ANO6: variants seen among roughly 807,000 people sequenced by gnomAD.
ANO6 encodes anoctamin-6.
In ANO6, 106 loss-of-function variants were observed where a neutral mutation model predicts 117.5. The ratio of observed to expected loss-of-function variants is 0.90; its 90% CI spans 0.77 to 1.06. The LOEUF (loss-of-function observed/expected upper bound fraction) is 1.06, where lower values mean the gene tolerates loss of function less well. ANO6 is among the 50% of genes least tolerant of loss of function. The probability of loss-of-function intolerance (pLI) is 0.00; values close to 1 mark genes in which losing one functional copy is unlikely to be tolerated. For synonymous variants in ANO6, 367 were observed against 385.1 expected, an observed-to-expected ratio of 0.95 and a Z score of 0.55; for missense variants, 955 against 1,121.1, an observed-to-expected ratio of 0.85 and a Z score of 2.12.
At chr12:45,366,973 TTTTTGTTTTG>T (rs575626566) in intron 8 of ANO6, among the ~76,000 whole-genome samples, 1 of 152,090 alleles carries the variant, frequency 6.6e-6, no homozygotes, top group Admixed American at 6.5e-5. Context: ...ACTGAACTTA[TTTTTGTTTTG>T]TTTTGTTTTG....
At chr12:45,410,451 C>T (rs554901094) in intron 16 of ANO6, among the ~76,000 whole-genome samples, 1 of 152,170 alleles carries the variant, frequency 6.6e-6, no homozygotes, top group Non-Finnish European at 1.5e-5. Flanking sequence ...ACTCTTAATT[C>T]TTTTCAGTAG....
intron 2 of ANO6, chr12:45,313,589 A>G (rs1020715065): frequency 6.6e-6 from 1 of 152,006 alleles, no homozygotes; most frequent in Non-Finnish European, 1.5e-5. Flanking sequence ...TTCCCTTTCA[A>G]ATGAAATCAG....
In ANO6 at chr12:45,431,848, G is replaced by A. The variant is rs965064853; in HGVS notation, c.*2537G>A. 1.0e-6 allele frequency: 1 copy of A among 985,412 alleles called. No homozygotes were observed. The highest frequency in any genetic ancestry group is 1.2e-6 in the Non-Finnish European group (1 of 829,928). 61.0% of individuals were successfully genotyped at this position (985,412 alleles called of 1,614,324 possible). On this transcript the variant is annotated 3_prime_UTR_variant, in exon 20 of 20. Coordinates refer to ENST00000320560, the MANE Select transcript of ANO6 (RefSeq NM_001025356.3). ...CAGTGTTAACCACTAGAGAAACTGA[G>A]CTTTATATCCTTTTTTAATGCCTGT...
chr12:45,401,951 A>G lies in ANO6; in HGVS notation c.1543A>G (p.Ile515Val), dbSNP rs1231979652. The change falls in exon 13 of 20, where the codon ATC becomes GTC. Residue 515 changes from isoleucine (I) to valine (V), a missense_variant. By Grantham distance (29) the Ile-to-Val change is conservative. Coordinates refer to ENST00000320560, the MANE Select transcript of ANO6 (RefSeq NM_001025356.3). The part of the protein sequence containing the change: ...QTATSITASI[I>V]SFIIIMILNT... ...AGCCACGTCCATCACGGCCTCCATC[A>G]TCAGCTTTATAATTATCATGATTCT... The G allele has an allele frequency of 6.2e-6, 10 of 1,613,972 alleles. No individual in the cohort carries two copies. The South Asian group carries it at 9.9e-5, about 16-fold the overall frequency.
intron 1 of ANO6, among the ~76,000 whole-genome samples, chr12:45,236,939 TA>T (rs1256681364): frequency 6.6e-6 from 1 of 152,226 alleles, no homozygotes; most frequent in African/African-American, 2.4e-5. Context: ...TGTGGGTTGG[TA>T]TCTCATTGTG....
chr12:45,355,921 G>A lies in ANO6; in HGVS notation c.864-1369G>A, dbSNP rs149178472. On this transcript the variant is annotated intron_variant, in intron 7 of 19. Coordinates refer to ENST00000320560, the MANE Select transcript of ANO6 (RefSeq NM_001025356.3). ...TTCAGCCCAGCTCCATACTGAGCCT[G>A]AAGTCTCACGTAGGCCTCAGAGTTA... Among the ~76,000 whole-genome samples, 38 of 152,328 alleles carry A rather than the reference G, an allele frequency of 2.5e-4. 1 individual carries two copies. The East Asian group carries it at 7.1e-3, about 29-fold the overall frequency.
chr12:45,424,327 GTTTTTTTTTTTTTT>G lies in ANO6; in HGVS notation c.2526+1280_2526+1293del, dbSNP rs66945216. ...AGAGAGAGGGAAAACTAGGTGATGG[GTTTTTTTTTTTTTT>G]TTTTTTTTTTTTTTAAAGACAGAGT... On this transcript the variant is annotated intron_variant, in intron 19 of 19. Transcript: ENST00000320560. 1.1e-3 allele frequency among the ~76,000 whole-genome samples: 91 copies of G among 81,274 alleles called. 4 individuals carry two copies. The highest frequency in any genetic ancestry group is 6.9e-3 in the Admixed American group (37 of 5,348). The allele number at this position is 81,274 out of a possible 152,430, so 53.3% of individuals were successfully genotyped here. A position where few individuals can be genotyped will look rare whatever the true frequency, so the allele number is the denominator to read the frequency against.
Position 45,370,938 on chromosome 12 carries a change from A to C in ANO6, c.1104+3145A>C, listed in dbSNP as rs556928087. On this transcript the variant is annotated intron_variant, in intron 9 of 19. Transcript: ENST00000320560. ...GGAGACGGGTGATTTCTGCATTTCCATCTGAGGTACCGGGCTCATCTCACT... is the reference window on the plus strand; with the variant it reads ...GGAGACGGGTGATTTCTGCATTTCCCTCTGAGGTACCGGGCTCATCTCACT... Among the ~76,000 whole-genome samples, 35 of 152,258 alleles carry C rather than the reference A, an allele frequency of 2.3e-4. No individual in the cohort carries two copies. In the South Asian group the frequency reaches 7.3e-3, roughly 32 times the overall value.
downstream of ANO6, among the ~76,000 whole-genome samples, chr12:45,434,675 C>T (rs1334394821): frequency 6.6e-6 from 1 of 152,116 alleles, no homozygotes; most frequent in Non-Finnish European, 1.5e-5. Flanking sequence ...CAGAAGGCTC[C>T]CTGTCCCTCA....
chr12:45,252,244 C>T lies in ANO6; in HGVS notation c.70+35853C>T, dbSNP rs537521583. Among the ~76,000 whole-genome samples, 125 of 152,332 alleles carry T rather than the reference C, an allele frequency of 8.2e-4. 1 individual carries two copies. The highest frequency in any genetic ancestry group is 2.9e-3 in the African/African-American group (122 of 41,574). ...AAAAAATTTAGCAGTTGGAAAATAG[C>T]AATTTATGATTAAACAACCAAACTG... On this transcript the variant is annotated intron_variant, in intron 1 of 19. Coordinates refer to ENST00000320560, the MANE Select transcript of ANO6 (RefSeq NM_001025356.3).
At position 45,224,174 on chromosome 12, in the gene ANO6, C is replaced by T. The variant is rs146144418; in HGVS notation, c.70+7783C>T. ...CAGTGGTGATACCAAGGAGAAAGCA[C>T]GTGACCTTGCCTAGGGGAATCCAGG... On this transcript the variant is annotated intron_variant, in intron 1 of 19. Transcript: ENST00000320560. Among the ~76,000 whole-genome samples, 17 of 152,212 alleles carry T rather than the reference C, an allele frequency of 1.1e-4. No homozygotes were observed. The East Asian group carries it at 2.3e-3, about 21-fold the overall frequency.
chr12:45,372,664 G>C (rs1941879507), intron 9 of ANO6, among the ~76,000 whole-genome samples: 2 of 151,752 alleles, frequency 1.3e-5, no homozygotes, highest in South Asian at 4.2e-4. Flanking sequence ...CAAATGCTGA[G>C]AGATTTTGTC....
chr12:45,328,664 G>A (rs757445691), intron 2 of ANO6, among the ~76,000 whole-genome samples: 5 of 151,980 alleles, frequency 3.3e-5, no homozygotes, highest in Non-Finnish European at 7.4e-5. Flanking sequence ...CTAATCTTTT[G>A]TTTCCCTAGA....
At chr12:45,438,406 C>G (rs1381565140) in intron 19 of ANO6, among the ~76,000 whole-genome samples, 3 of 152,064 alleles carry the variant, frequency 2.0e-5, no homozygotes, top group African/African-American at 7.2e-5. Flanking sequence ...ATCCAAAAAT[C>G]TGAAATCCAA....
chr12:45,340,326 C>T lies in ANO6; in HGVS notation c.280-6696C>T, dbSNP rs1171730507. ...ACCTTGAACCTCCAGTACCATTCTC[C>T]ACCATCAGTAATAGAATCACATGCA... On this transcript the variant is annotated intron_variant, in intron 3 of 19. Coordinates refer to ENST00000320560, the MANE Select transcript of ANO6 (RefSeq NM_001025356.3). 2.6e-5 allele frequency among the ~76,000 whole-genome samples: 4 copies of T among 152,198 alleles called. No individual in the cohort carries two copies. The East Asian group carries it at 7.7e-4, about 29-fold the overall frequency.
At chr12:45,348,779 A>G in intron 6 of ANO6, 148 bp downstream of exon 6, 1 of 708,254 alleles carries the variant, frequency 1.4e-6, no homozygotes, top group Non-Finnish European at 2.5e-6. Context: ...TTAGGGTAAG[A>G]ACTAGGTCTT....
rs184681379 is a variant in ANO6, at chr12:45,402,242, C to T, written c.1612+222C>T. Among the ~76,000 whole-genome samples, 6 of 152,338 alleles carry T rather than the reference C, an allele frequency of 3.9e-5. No individual in the cohort carries two copies. The East Asian group carries it at 9.6e-4, about 24-fold the overall frequency. Reference sequence around the variant, plus strand: ...ACAATCATCATAACGTCCAAGCTCTCTGTAAACAGATCAGTGCTGAATAAT... The same window carrying T: ...ACAATCATCATAACGTCCAAGCTCTTTGTAAACAGATCAGTGCTGAATAAT... On this transcript the variant is annotated intron_variant, in intron 13 of 19. Transcript: ENST00000320560.
chr12:45,240,545 T>C (rs1403490733), intron 1 of ANO6, among the ~76,000 whole-genome samples: 1 of 151,936 alleles, frequency 6.6e-6, no homozygotes, highest in Non-Finnish European at 1.5e-5. Context: ...ATTTAACCTA[T>C]TTACATTTAA....
At chr12:45,320,316 G>A (rs942395251) in intron 2 of ANO6, among the ~76,000 whole-genome samples, 7 of 151,824 alleles carry the variant, frequency 4.6e-5, no homozygotes, top group African/African-American at 7.3e-5. Flanking sequence ...CTGGTATGTT[G>A]TGTCTTTTTT....
Sources: gnomAD v4.1 joint callset for allele counts (sites outside exome capture counted in the v4.1 genomes callset) on GRCh38, gnomAD v4.1.1 for gene constraint, MANE v1.5 for transcripts, NCBI Gene and HGNC (gene_info 2026-07-23, HGNC 2026-07-21) for gene names.